Variants in MYO18A observed in about 807,000 individuals in gnomAD.
The protein encoded by MYO18A is myosin XVIIIA.
MYO18A carries 78 observed loss-of-function variants against 235.8 expected under a neutral mutation model. The observed-to-expected ratio is 0.33, with a 90% CI of 0.28 to 0.40. MYO18A has a LOEUF of 0.40. Ranked by LOEUF, MYO18A falls within the 10% of genes least tolerant of loss-of-function variation. The pLI, the probability that MYO18A is intolerant of heterozygous loss-of-function variation, is 1.00. For synonymous variants in MYO18A, 977 were observed against 1,077.8 expected (o/e 0.91, Z 1.83); for missense variants, 2,215 against 2,699.3 (o/e 0.82, Z 3.98).
rs1046731534 is a variant in MYO18A, at chr17:29,158,319, T to G, written c.999+7623A>C. Among the ~76,000 whole-genome samples the G allele has an allele frequency of 1.3e-5, 2 of 151,952 alleles. No individual in the cohort carries two copies. Among genetic ancestry groups the G allele is most frequent in the Non-Finnish European group, 2.9e-5 (2 of 67,950 alleles). ...CGGGAGATTAAGGGAGCCCGAGGGG[T>G]GACCCAGGTCTAAGGAAATAGTTTC... On this transcript the variant is annotated intron_variant, in intron 2 of 41. Transcript: ENST00000527372. This position sits in a 1 kb window ranked among gnomAD's most constrained non-coding sequence, Gnocchi z 4.3.
chr17:29,074,156 CAGAG>C lies in MYO18A; in HGVS notation c.*610_*613del. The C allele has an allele frequency of 6.2e-7, 1 of 1,613,292 alleles. No homozygotes were observed. The highest frequency in any genetic ancestry group is 8.5e-7 in the Non-Finnish European group (1 of 1,179,602). ...CTCCTCACCAGCGTCTCCAGCTGCACAGAGAAAGGACTGCTCTCTGAAGGGTGAA... is the reference window on the plus strand; with the variant it reads ...CTCCTCACCAGCGTCTCCAGCTGCACAAAGGACTGCTCTCTGAAGGGTGAA... On this transcript the variant is annotated 3_prime_UTR_variant, in exon 42 of 42. Transcript: ENST00000527372. The surrounding 1 kb of genome is among the most constrained non-coding windows in gnomAD (Gnocchi z 4.4).
chr17:29,075,188 C>A (rs992062189), intron 41 of MYO18A: 1 of 368,464 alleles, frequency 2.7e-6, no homozygotes, highest in Non-Finnish European at 5.3e-6. Flanking sequence ...GTTCCTGGGC[C>A]CTTCCTCTTA....
intron 17 of MYO18A, among the ~76,000 whole-genome samples, chr17:29,110,839 AG>A (rs1214986051): frequency 2.0e-5 from 3 of 152,200 alleles, no homozygotes; most frequent in African/African-American, 7.2e-5. Context: ...GCAGAAGCCA[AG>A]GGGTGGACAG....
At chr17:29,103,850 A>G (rs2066716296) in intron 20 of MYO18A, among the ~76,000 whole-genome samples, 186 bp from the exon 21 acceptor site, 1 of 152,274 alleles carries the variant, frequency 6.6e-6, no homozygotes, top group South Asian at 2.1e-4. Flanking sequence ...TACGAGAGGA[A>G]CAAACCGTCT....
chr17:29,116,541 G>A (rs894493197), intron 10 of MYO18A, 86 bp from the exon 11 acceptor site: 5 of 1,540,270 alleles, frequency 3.2e-6, no homozygotes, highest in Non-Finnish European at 4.5e-6. Flanking sequence ...CGCCTCGGAG[G>A]GACCGTGGGG....
Position 29,109,762 on chromosome 17 carries a change from CCCCACTGCAG to C in MYO18A, c.3331+86_3331+95del. On this transcript the variant is annotated intron_variant, in intron 19 of 41. Transcript: ENST00000527372. This position sits in a 1 kb window ranked among gnomAD's most constrained non-coding sequence, Gnocchi z 4.1. ...GGATCGTGAGGAAAGACAGGAGCAGCCCCACTGCAGCCCACGGGTCGCAGGTGGGAGGTGG... is the reference window on the plus strand; with the variant it reads ...GGATCGTGAGGAAAGACAGGAGCAGCCCCACGGGTCGCAGGTGGGAGGTGG... 1 of 1,428,154 alleles carries C rather than the reference CCCCACTGCAG, an allele frequency of 7.0e-7. No homozygotes were observed. The highest frequency in any genetic ancestry group is 9.5e-7 in the Non-Finnish European group (1 of 1,051,794). The allele number at this position is 1,428,154 out of a possible 1,614,324, so 88.5% of individuals were successfully genotyped here.
At chr17:29,101,283 C>A (rs1225710852) in intron 21 of MYO18A, among the ~76,000 whole-genome samples, 2 of 151,562 alleles carry the variant, frequency 1.3e-5, no homozygotes, top group African/African-American at 2.4e-5. Flanking sequence ...CAGACATGAG[C>A]TGCTGTGCCT....
chr17:29,135,950 G>A (rs1488521501), intron 2 of MYO18A, among the ~76,000 whole-genome samples: 2 of 152,194 alleles, frequency 1.3e-5, no homozygotes, highest in Admixed American at 6.5e-5. Context: ...CTCATGGACC[G>A]GGCGTGGTGG....
rs1253400972 is a variant in MYO18A, at chr17:29,121,920, C to T, written c.1125G>A (p.Glu375=). ...GGTCCAGCTTCACACGCACCTTCCCCTCAGGCAAGTTGAGCTCCTCAGATT... is the reference window on the plus strand; with the variant it reads ...GGTCCAGCTTCACACGCACCTTCCCTTCAGGCAAGTTGAGCTCCTCAGATT... ...QLKSEELNLP[E]GKVRVKLDHD... The change falls in exon 4 of 42, where the codon GAG becomes GAA. Residue 375 remains glutamate (E), a synonymous_variant. Transcript: ENST00000527372. The surrounding 1 kb of genome is among the most constrained non-coding windows in gnomAD (Gnocchi z 4.2). The T allele has an allele frequency of 1.2e-6, 2 of 1,613,952 alleles. No homozygotes were observed. Among genetic ancestry groups the T allele is most frequent in the Non-Finnish European group, 8.5e-7 (1 of 1,179,876 alleles).
chr17:29,153,618 C>T (rs776088041), intron 2 of MYO18A, among the ~76,000 whole-genome samples: 10 of 152,182 alleles, frequency 6.6e-5, no homozygotes, highest in Non-Finnish European at 1.3e-4. Context: ...ACAACACCTT[C>T]GCAACCACAC....
intron 27 of MYO18A, 96 bp downstream of exon 27, chr17:29,097,127 A>T: frequency 6.5e-7 from 1 of 1,535,672 alleles, no homozygotes; most frequent in Admixed American, 1.9e-5. Flanking sequence ...CATTCCAGCC[A>T]GGCCTGCCTG....
intron 1 of MYO18A, among the ~76,000 whole-genome samples, chr17:29,168,580 T>C (rs1309231639): frequency 6.6e-6 from 1 of 152,204 alleles, no homozygotes; most frequent in Non-Finnish European, 1.5e-5. Flanking sequence ...CTTTCCTCTC[T>C]GTGTGCTCCA....
At chr17:29,154,208 C>T (rs112879792) in intron 2 of MYO18A, among the ~76,000 whole-genome samples, 66 of 152,194 alleles carry the variant, frequency 4.3e-4, no homozygotes, top group African/African-American at 1.3e-3. Context: ...TTCTCTTCCC[C>T]AGGTCGAAGT....
In MYO18A at chr17:29,120,967, C is replaced by G. The variant is rs1464412192; in HGVS notation, c.1585+31G>C. The G allele has an allele frequency of 6.3e-7, 1 of 1,594,026 alleles. No individual in the cohort carries two copies. Among genetic ancestry groups the G allele is most frequent in the Non-Finnish European group, 8.5e-7 (1 of 1,170,646 alleles). ...TCCTCACTCCCCTCCCCTCACCCCA[C>G]TTTCAGTTTTCTCCCTTGTCCCTGC... On this transcript the variant is annotated intron_variant, in intron 6 of 41. Transcript: ENST00000527372. This position sits in a 1 kb window ranked among gnomAD's most constrained non-coding sequence, Gnocchi z 4.2.
At chr17:29,107,733 T>G (rs551117650) in intron 19 of MYO18A, 1 of 151,652 alleles carries the variant, frequency 6.6e-6, no homozygotes, top group East Asian at 2.0e-4. Flanking sequence ...CTGGCCAGCA[T>G]GGTAAAACTG....
In MYO18A at chr17:29,093,078, C is replaced by A. The variant is rs2066437502; in HGVS notation, c.4927-77G>T. On this transcript the variant is annotated intron_variant, in intron 32 of 41. Coordinates refer to ENST00000527372, the MANE Select transcript of MYO18A (RefSeq NM_078471.4). ...TATCTTCCCCAAGCTCCCTCCTCAC[C>A]ACGTCCTCATTATCAGTGTCCCCAT... 3.3e-6 allele frequency: 5 copies of A among 1,519,526 alleles called. No individual in the cohort carries two copies. In the East Asian group the frequency reaches 1.2e-4, roughly 36 times the overall value. The allele number at this position is 1,519,526 out of a possible 1,614,324, so 94.1% of individuals were successfully genotyped here.
Position 29,121,494 on chromosome 17 carries a change from C to A in MYO18A, c.1371+53G>T. 1 of 1,518,898 alleles carries A rather than the reference C, an allele frequency of 6.6e-7. No individual in the cohort carries two copies. The highest frequency in any genetic ancestry group is 8.9e-7 in the Non-Finnish European group (1 of 1,129,634). The allele number at this position is 1,518,898 out of a possible 1,614,324, so 94.1% of individuals were successfully genotyped here. The stretch of plus-strand genomic sequence containing the variant: ...GTGCCACAGGGGAAGGGCAGAGAGC[C>A]AGGGCAGGGGGTGGGACCAGGAGTC... On this transcript the variant is annotated intron_variant, in intron 5 of 41. Transcript: ENST00000527372. This position sits in a 1 kb window ranked among gnomAD's most constrained non-coding sequence, Gnocchi z 4.2.
At chr17:29,175,931 C>T (rs1419104610) in intron 1 of MYO18A, among the ~76,000 whole-genome samples, 1 of 151,982 alleles carries the variant, frequency 6.6e-6, no homozygotes, top group Non-Finnish European at 1.5e-5. Context: ...TGGTGGCGGG[C>T]GCCTGTAATC....
chr17:29,142,185 G>A (rs2067756806), intron 2 of MYO18A, among the ~76,000 whole-genome samples: 1 of 152,192 alleles, frequency 6.6e-6, no homozygotes, highest in South Asian at 2.1e-4. Flanking sequence ...GCCCGCCTTG[G>A]CCTCCCAGAG....
Sources: gnomAD v4.1 joint callset for allele counts (sites outside exome capture counted in the v4.1 genomes callset) on GRCh38, gnomAD v4.1.1 for gene constraint, Gnocchi (gnomAD v3.1) non-coding constraint, MANE v1.5 for transcripts, NCBI Gene and HGNC (gene_info 2026-07-23, HGNC 2026-07-21) for gene names.